The following JAK2 variants were observed in gnomAD, a reference collection of about 807,000 sequenced individuals.
JAK2 encodes the protein Janus kinase 2.
JAK2 carries 86 observed loss-of-function variants against 139.3 expected under a neutral mutation model. That is an observed-to-expected ratio of 0.62 (90% CI 0.52 to 0.74). The LOEUF is 0.74. Among genes scored for constraint, JAK2 ranks in the 30% least tolerant of loss-of-function variants. The pLI is 0.00. For synonymous variants in JAK2, 490 were observed against 437.7 expected, an observed-to-expected ratio of 1.12 and a Z score of -1.49; for missense variants, 1,421 against 1,360.3, an observed-to-expected ratio of 1.04 and a Z score of -0.70.
At position 5,042,364 on chromosome 9, in the gene JAK2, C is replaced by T. The variant is rs993178252; in HGVS notation, c.351-2039C>T. ...TTGTTAGCCAGGATGGTCTCGATCT[C>T]CTGACCTCATGATCCACCCGCCTCG... On this transcript the variant is annotated intron_variant, in intron 4 of 24. Transcript: ENST00000381652. 1.4e-4 allele frequency among the ~76,000 whole-genome samples: 22 copies of T among 151,912 alleles called. 1 individual carries two copies. Among genetic ancestry groups the T allele is most frequent in the South Asian group, 4.2e-4 (2 of 4,800 alleles).
chr9:5,108,135 T>C (rs1471347736), intron 22 of JAK2: 11 of 152,116 alleles, frequency 7.2e-5, no homozygotes, highest in East Asian at 1.9e-4. Flanking sequence ...TAACAGCCTA[T>C]TACCTTTTAT....
At chr9:5,086,734 G>C (rs1404169497) in intron 19 of JAK2, among the ~76,000 whole-genome samples, 1 of 152,054 alleles carries the variant, frequency 6.6e-6, no homozygotes, top group African/African-American at 2.4e-5. Context: ...TAACTTTATA[G>C]CCTTTGGCTT....
intron 4 of JAK2, among the ~76,000 whole-genome samples, chr9:5,033,891 T>C (rs1488490878): frequency 6.6e-6 from 1 of 152,094 alleles, no homozygotes; most frequent in Non-Finnish European, 1.5e-5. Flanking sequence ...CCCATAACAA[T>C]ATTAACCTTA....
intron 4 of JAK2, among the ~76,000 whole-genome samples, chr9:5,042,768 G>GCCTC (rs1460950230): frequency 6.6e-6 from 1 of 152,174 alleles, no homozygotes; most frequent in Admixed American, 6.5e-5. Context: ...GTGAGGCTGT[G>GCCTC]CCCCAGGCCT....
intron 4 of JAK2, chr9:5,041,907 G>A (rs1274875411): frequency 4.2e-5 from 17 of 402,194 alleles, no homozygotes; most frequent in South Asian, 3.2e-4. Flanking sequence ...CAGAGATGGA[G>A]GTGGGCGATG....
intron 22 of JAK2, among the ~76,000 whole-genome samples, chr9:5,101,793 A>T (rs564952800): frequency 6.8e-4 from 103 of 152,316 alleles, no homozygotes; most frequent in African/African-American, 2.3e-3. Flanking sequence ...ACTCCAAGAG[A>T]CCTGCAGCTG....
chr9:5,070,089 C>A, intron 12 of JAK2, 37 bp downstream of exon 12: 1 of 1,462,054 alleles, frequency 6.8e-7, no homozygotes, highest in Non-Finnish European at 9.4e-7. Context: ...CTTTTTTGTC[C>A]TTTTAAAACA....
At chr9:5,081,669 T>G in intron 18 of JAK2, 56 bp from the exon 19 acceptor site, 1 of 1,280,104 alleles carries the variant, frequency 7.8e-7, no homozygotes, top group Middle Eastern at 1.9e-4. Context: ...TATATCAGTT[T>G]AGTCCAGAGA....
intron 16 of JAK2, among the ~76,000 whole-genome samples, chr9:5,078,858 T>A (rs1453179323): frequency 6.6e-6 from 1 of 152,218 alleles, no homozygotes; most frequent in East Asian, 1.9e-4. Context: ...ATCCAGCTAA[T>A]TCTGACTTTT....
At position 5,044,617 on chromosome 9, in the gene JAK2, A is replaced by T. The variant is rs1172523866; in HGVS notation, c.468+97A>T. 4 of 726,960 alleles carry T rather than the reference A, an allele frequency of 5.5e-6. No individual in the cohort carries two copies. In the East Asian group the frequency reaches 1.1e-4, roughly 20 times the overall value. The allele number at this position is 726,960 out of a possible 1,614,324, so 45.0% of individuals were successfully genotyped here. On this transcript the variant is annotated intron_variant, in intron 5 of 24. Coordinates refer to ENST00000381652, the MANE Select transcript of JAK2 (RefSeq NM_004972.4). Reference sequence around the variant, plus strand: ...CAGGAAAAACTTTACATATGGGAAAATTGCAGTTCTGTCTTGCACAGCAGG... The same window carrying T: ...CAGGAAAAACTTTACATATGGGAAATTTGCAGTTCTGTCTTGCACAGCAGG...
At position 5,128,215 on chromosome 9, in the gene JAK2, T is replaced by A. The variant is rs570596425; in HGVS notation, c.*1424T>A. ...CTGGTATGTTCTACTTTTTTGAAAG[T>A]TGTACTGAAGACTTCTGATTTTGGG... On this transcript the variant is annotated 3_prime_UTR_variant, in exon 25 of 25. Coordinates refer to ENST00000381652, the MANE Select transcript of JAK2 (RefSeq NM_004972.4). The A allele has an allele frequency of 4.3e-6, 1 of 231,604 alleles. No homozygotes were observed. Among genetic ancestry groups the A allele is most frequent in the Admixed American group, 5.6e-5 (1 of 17,722 alleles). The allele number at this position is 231,604 out of a possible 1,614,324, so 14.3% of individuals were successfully genotyped here. A position where few individuals can be genotyped will look rare whatever the true frequency, so the allele number is the denominator to read the frequency against.
chr9:5,034,674 T>C (rs948966632), intron 4 of JAK2, among the ~76,000 whole-genome samples: 1 of 151,954 alleles, frequency 6.6e-6, no homozygotes, highest in Non-Finnish European at 1.5e-5. Context: ...GAAATAAAGA[T>C]GTTCTTTGAA....
chr9:5,085,671 C>A, intron 19 of JAK2: 1 of 729,140 alleles, frequency 1.4e-6, no homozygotes, highest in Non-Finnish European at 2.6e-6. Context: ...TTTTCGAGAA[C>A]GTGCATTATC....
At chr9:5,109,614 T>C (rs2130788697) in intron 22 of JAK2, 1 of 152,308 alleles carries the variant, frequency 6.6e-6, no homozygotes, top group South Asian at 2.1e-4. Context: ...AGCCATCACA[T>C]GCGCCTTCAC....
chr9:5,016,939 G>GAA (rs967699889), intron 2 of JAK2, among the ~76,000 whole-genome samples: 1 of 152,016 alleles, frequency 6.6e-6, no homozygotes. Flanking sequence ...TCCTAGAATA[G>GAA]AAAAAAGACA....
chr9:5,063,486 T>G (rs748056425), intron 8 of JAK2, among the ~76,000 whole-genome samples: 6 of 152,218 alleles, frequency 3.9e-5, no homozygotes, highest in Non-Finnish European at 7.3e-5. Context: ...CTGGTAACTA[T>G]GTTTTCATCT....
intron 3 of JAK2, 115 bp from the exon 4 acceptor site, chr9:5,029,668 A>G (rs953534735): frequency 1.1e-6 from 1 of 889,858 alleles, no homozygotes; most frequent in South Asian, 2.0e-5. Flanking sequence ...GACTGCTATT[A>G]CATTTTGTTC....
intron 5 of JAK2, 86 bp downstream of exon 5, chr9:5,044,606 C>T (rs1816864949): frequency 3.7e-6 from 3 of 821,362 alleles, no homozygotes; most frequent in Non-Finnish European, 5.7e-6. Context: ...AAAAACTTTA[C>T]ATATGGGAAA....
At chr9:5,000,765 C>T (rs1820881179) in intron 2 of JAK2, among the ~76,000 whole-genome samples, 1 of 152,058 alleles carries the variant, frequency 6.6e-6, no homozygotes, top group Non-Finnish European at 1.5e-5. Flanking sequence ...ATACCATCTT[C>T]TTGTTTGATA....
Sources: gnomAD v4.1 joint callset for allele counts (sites outside exome capture counted in the v4.1 genomes callset) on GRCh38, gnomAD v4.1.1 for gene constraint, MANE v1.5 for transcripts, NCBI Gene and HGNC (gene_info 2026-07-23, HGNC 2026-07-21) for gene names.